Variants in LRP1B observed in about 807,000 individuals in gnomAD.
LRP1B encodes the protein LDL receptor related protein 1B.
LRP1B carries 217 observed loss-of-function variants against 556.6 expected under a neutral mutation model. The observed-to-expected ratio is 0.39, with a 90% CI of 0.35 to 0.44. The LOEUF (loss-of-function observed/expected upper bound fraction) is 0.44. LRP1B is among the 20% of genes least tolerant of loss of function. LRP1B has a pLI of 1.00. For synonymous variants in LRP1B, 2,047 were observed against 1,865.8 expected (o/e 1.10, Z -2.50); for missense variants, 5,053 against 5,620.8 (o/e 0.90, Z 3.23).
intron 23 of LRP1B, among the ~76,000 whole-genome samples, chr2:140,891,026 A>C (rs1460234191): frequency 1.3e-5 from 2 of 152,126 alleles, no homozygotes; most frequent in Non-Finnish European, 2.9e-5. Context: ...TCTATCTCAT[A>C]AACGACTGAA....
intron 86 of LRP1B, among the ~76,000 whole-genome samples, chr2:140,267,966 C>G (rs982929852): frequency 6.6e-6 from 1 of 151,768 alleles, no homozygotes; most frequent in Non-Finnish European, 1.5e-5. Context: ...ACGTGGGCTG[C>G]TACACCCATG....
At position 140,989,516 on chromosome 2, in the gene LRP1B, C is replaced by G. The variant is rs1573956931; in HGVS notation, c.2770+16G>C. 5.6e-6 allele frequency: 9 copies of G among 1,612,014 alleles called. No homozygotes were observed. The East Asian group carries it at 1.8e-4, about 32-fold the overall frequency. ...CTTTGGAGGAGATTTACGTGTATAT[C>G]CAAGCAAACCTTTACCTGTGCAAGT... is the stretch of plus-strand genomic sequence containing the variant. On this transcript the variant is annotated intron_variant, in intron 17 of 90. Transcript: ENST00000389484.
intron 66 of LRP1B, among the ~76,000 whole-genome samples, chr2:140,423,437 G>A (rs184994041): frequency 3.0e-4 from 45 of 152,114 alleles, no homozygotes; most frequent in African/African-American, 1.1e-3. Context: ...CTTTTGCATG[G>A]CAAAGTTATT....
chr2:141,498,589 A>G (rs906090731), intron 2 of LRP1B, among the ~76,000 whole-genome samples: 3 of 152,028 alleles, frequency 2.0e-5, no homozygotes, highest in African/African-American at 7.2e-5. Context: ...CTGGAAAAAT[A>G]CATTTTTACC....
At chr2:140,687,410 C>T (rs994805712) in intron 41 of LRP1B, among the ~76,000 whole-genome samples, 2 of 152,072 alleles carry the variant, frequency 1.3e-5, no homozygotes, top group African/African-American at 4.8e-5. Flanking sequence ...ACAATCTAAG[C>T]CACATAGTAT....
chr2:142,065,425 G>A (rs1662359137), intron 1 of LRP1B, among the ~76,000 whole-genome samples: 1 of 150,610 alleles, frequency 6.6e-6, no homozygotes, highest in African/African-American at 2.4e-5. Context: ...TTCCTGCTTG[G>A]CCTCATTCTG....
chr2:141,987,129 T>C (rs1400575915), intron 1 of LRP1B, among the ~76,000 whole-genome samples: 1 of 140,414 alleles, frequency 7.1e-6, no homozygotes, highest in Non-Finnish European at 1.5e-5. Flanking sequence ...ATGAAACATC[T>C]ATTAGAGCTG....
intron 11 of LRP1B, among the ~76,000 whole-genome samples, chr2:141,045,973 T>C (rs1278479314): frequency 6.6e-6 from 1 of 152,130 alleles, no homozygotes; most frequent in Non-Finnish European, 1.5e-5. Context: ...AATGGACAAT[T>C]TCCTTTCTCA....
chr2:140,743,289 C>A (rs1288057260), intron 35 of LRP1B, among the ~76,000 whole-genome samples: 2 of 152,064 alleles, frequency 1.3e-5, no homozygotes, highest in East Asian at 3.9e-4. Flanking sequence ...GTCTGTGGTT[C>A]TAAAGGAAAC....
chr2:141,176,220 T>C (rs1680728946), intron 7 of LRP1B, among the ~76,000 whole-genome samples: 1 of 152,066 alleles, frequency 6.6e-6, no homozygotes. Flanking sequence ...GGAAGCATTA[T>C]TGGTTTTGAA....
intron 84 of LRP1B, among the ~76,000 whole-genome samples, chr2:140,295,782 A>T (rs1683577460): frequency 1.7e-5 from 2 of 117,376 alleles, no homozygotes; most frequent in African/African-American, 6.2e-5. Flanking sequence ...GGTGTAGAAA[A>T]ATCTCAATAA....
chr2:141,457,323 C>T (rs545647988), intron 3 of LRP1B, among the ~76,000 whole-genome samples: 1 of 152,104 alleles, frequency 6.6e-6, no homozygotes, highest in African/African-American at 2.4e-5. Context: ...ATATGATAAG[C>T]TCATAACAGG....
chr2:140,749,644 C>A (rs1187270326), intron 35 of LRP1B, among the ~76,000 whole-genome samples: 1 of 152,166 alleles, frequency 6.6e-6, no homozygotes, highest in Non-Finnish European at 1.5e-5. Flanking sequence ...GGGGCAATAA[C>A]ACACATGGAG....
At chr2:141,276,877 T>G (rs1251286487) in intron 3 of LRP1B, among the ~76,000 whole-genome samples, 2 of 152,034 alleles carry the variant, frequency 1.3e-5, no homozygotes, top group Non-Finnish European at 2.9e-5. Context: ...AGGATGGTCT[T>G]GATCTCCTGA....
At chr2:141,059,893 C>T (rs915722103) in intron 8 of LRP1B, among the ~76,000 whole-genome samples, 17 of 151,698 alleles carry the variant, frequency 1.1e-4, no homozygotes, top group African/African-American at 3.9e-4. Flanking sequence ...TACTCATTTA[C>T]TTAATTTAAA....
intron 7 of LRP1B, among the ~76,000 whole-genome samples, chr2:141,174,157 C>T (rs181251668): frequency 2.6e-4 from 39 of 152,062 alleles, no homozygotes; most frequent in African/African-American, 7.7e-4. Context: ...AGATATTCTA[C>T]GGAATGAGGT....
Position 140,472,488 on chromosome 2 carries a change from G to A in LRP1B, c.9625+2650C>T, listed in dbSNP as rs76746373. Among the ~76,000 whole-genome samples the A allele has an allele frequency of 8.3e-3, 1,268 of 152,086 alleles. 28 individuals are homozygous for A. Among genetic ancestry groups the A allele is most frequent in the African/African-American group, 0.027 (1,128 of 41,528 alleles). On this transcript the variant is annotated intron_variant, in intron 60 of 90. Coordinates refer to ENST00000389484, the MANE Select transcript of LRP1B (RefSeq NM_018557.3). The stretch of plus-strand genomic sequence containing the variant: ...ATTTTCCTAAGCTAGTAAATTGACC[G>A]ATGTATTTTGGAATTTCTTGTTCAG...
intron 29 of LRP1B, among the ~76,000 whole-genome samples, chr2:140,842,787 G>C (rs1411790612): frequency 6.6e-6 from 1 of 152,000 alleles, no homozygotes; most frequent in East Asian, 1.9e-4. Context: ...TTGATGTTCA[G>C]GTTGACTGCC....
chr2:140,462,754 A>AT (rs1687375302), intron 60 of LRP1B, among the ~76,000 whole-genome samples: 1 of 152,110 alleles, frequency 6.6e-6, no homozygotes, highest in African/African-American at 2.4e-5. Context: ...TATTTCTCAT[A>AT]TTTTTTTCAT....
Sources: gnomAD v4.1 joint callset for allele counts (sites outside exome capture counted in the v4.1 genomes callset) on GRCh38, gnomAD v4.1.1 for gene constraint, MANE v1.5 for transcripts, NCBI Gene and HGNC (gene_info 2026-07-23, HGNC 2026-07-21) for gene names.